Variants in CHIC1 observed in about 807,000 individuals in gnomAD.
CHIC1 encodes cysteine-rich hydrophobic domain-containing protein 1.
Under a neutral mutation model 18.5 loss-of-function variants are expected in CHIC1, and 7 were observed. The ratio of observed to expected loss-of-function variants is 0.38; its 90% CI spans 0.22 to 0.71. The LOEUF (loss-of-function observed/expected upper bound fraction) is 0.71, where lower values mean the gene tolerates loss of function less well. Among genes scored for constraint, CHIC1 ranks in the 30% least tolerant of loss-of-function variants. The pLI, the probability that CHIC1 is intolerant of heterozygous loss-of-function variation, is 0.49. For missense variants in CHIC1, 159 were observed against 176.9 expected, an observed-to-expected ratio of 0.90 and a Z score of 0.57; for synonymous variants, 77 against 73.5, an observed-to-expected ratio of 1.05 and a Z score of -0.25.
intron 3 of CHIC1, among the ~76,000 whole-genome samples, chrX:73,667,566 A>T (rs2058010183): frequency 9.0e-6 from 1 of 111,661 alleles, no homozygotes; most frequent in Non-Finnish European, 1.9e-5. Flanking sequence ...TTCCCTCAGC[A>T]TCTGCTTGTC....
intron 3 of CHIC1, among the ~76,000 whole-genome samples, chrX:73,671,291 C>T (rs2058028844): frequency 8.9e-6 from 1 of 111,844 alleles, no homozygotes; most frequent in Non-Finnish European, 1.9e-5. Context: ...AGTTGAATCT[C>T]TTTTGGAGTC....
rs749055350 is a variant in CHIC1, at chrX:73,644,481, AAGTGGAGCCTACAGAGGCAGGC to A, written c.508-34842_508-34821del. 5.4e-4 allele frequency among the ~76,000 whole-genome samples: 61 copies of A among 112,603 alleles called. 3 individuals carry two copies. The highest frequency in any genetic ancestry group is 4.5e-3 in the East Asian group (16 of 3,556). ...TTGTTTGTCTGTGCCCTGCCCCCAG[AAGTGGAGCCTACAGAGGCAGGC>A]AGGCCTCCTTGAGCTGTGGTGGGCT... On this transcript the variant is annotated intron_variant, in intron 3 of 5. Transcript: ENST00000373502.
chrX:73,655,488 TATTGTGTATATATATATACATATATAC>T lies in CHIC1; in HGVS notation c.508-23836_508-23810del, dbSNP rs1254415251. ...TATATATATATACATATATACACAA[TATTGTGTATATATATATACATATATAC>T]ACAATATTGTGTATATATATATACA... On this transcript the variant is annotated intron_variant, in intron 3 of 5. Coordinates refer to ENST00000373502, the MANE Select transcript of CHIC1 (RefSeq NM_001039840.4). 1.4e-3 allele frequency among the ~76,000 whole-genome samples: 96 copies of T among 68,883 alleles called. 3 individuals carry two copies. The highest frequency in any genetic ancestry group is 4.7e-3 in the African/African-American group (91 of 19,400). 59.8% of individuals were successfully genotyped at this position (68,883 alleles called of 115,157 possible). A position where few individuals can be genotyped will look rare whatever the true frequency, so the allele number is the denominator to read the frequency against.
intron 3 of CHIC1, among the ~76,000 whole-genome samples, chrX:73,657,049 A>C (rs1468884843): frequency 1.1e-5 from 1 of 89,956 alleles, no homozygotes; most frequent in South Asian, 5.4e-4. Context: ...GGTATTTTAT[A>C]TTCTTTTTTT....
intron 3 of CHIC1, among the ~76,000 whole-genome samples, chrX:73,599,506 T>C (rs1318006615): frequency 9.7e-6 from 1 of 102,599 alleles, no homozygotes; most frequent in African/African-American, 4.0e-5. Flanking sequence ...AATTGATTTT[T>C]GTATAAGGTG....
intron 3 of CHIC1, among the ~76,000 whole-genome samples, chrX:73,594,214 A>G: frequency 9.1e-6 from 1 of 110,145 alleles, no homozygotes. Flanking sequence ...TCAGTCACCC[A>G]CGCTGGAATA....
intron 3 of CHIC1, among the ~76,000 whole-genome samples, chrX:73,676,227 G>A (rs1201564208): frequency 2.3e-4 from 25 of 111,010 alleles, no homozygotes; most frequent in Admixed American, 2.2e-3. Context: ...TGCTCTTCTC[G>A]AGGAGTATCT....
At chrX:73,662,020 C>G (rs972709073) in intron 3 of CHIC1, among the ~76,000 whole-genome samples, 2 of 106,359 alleles carry the variant, frequency 1.9e-5, no homozygotes, top group African/African-American at 3.5e-5. Flanking sequence ...CACATGTACC[C>G]TAAAACTTAA....
chrX:73,621,070 G>A (rs969736709), intron 3 of CHIC1, among the ~76,000 whole-genome samples: 28 of 111,666 alleles, frequency 2.5e-4, no homozygotes, highest in African/African-American at 9.1e-4. Context: ...ATCTGTTTTT[G>A]TACCAGTACC....
chrX:73,660,388 G>T (rs765867473), intron 3 of CHIC1, among the ~76,000 whole-genome samples: 1 of 112,183 alleles, frequency 8.9e-6, no homozygotes, highest in African/African-American at 3.2e-5. Flanking sequence ...TGGAAAGGGG[G>T]TGTCTGCCCA....
intron 1 of CHIC1, among the ~76,000 whole-genome samples, chrX:73,567,253 C>G (rs1203693645): frequency 3.6e-5 from 4 of 110,417 alleles, no homozygotes; most frequent in African/African-American, 1.3e-4. Flanking sequence ...TGCGTGGGCT[C>G]TTATCTGGGC....
intron 3 of CHIC1, among the ~76,000 whole-genome samples, chrX:73,676,805 G>T (rs1347205977): frequency 1.8e-5 from 2 of 109,214 alleles, no homozygotes; most frequent in African/African-American, 3.5e-5. Context: ...AAGGAGAGGT[G>T]CTCTGATTTT....
chrX:73,640,562 C>A (rs961793300), intron 3 of CHIC1, among the ~76,000 whole-genome samples: 2 of 111,561 alleles, frequency 1.8e-5, no homozygotes, highest in South Asian at 7.4e-4. Context: ...GATTCAGTTT[C>A]TTCCTTCTTC....
At chrX:73,564,652 G>A (rs988557050) in intron 1 of CHIC1, among the ~76,000 whole-genome samples, 4 of 110,985 alleles carry the variant, frequency 3.6e-5, no homozygotes, top group African/African-American at 1.3e-4. Context: ...AAAATAGGTT[G>A]CCTTTTGTTG....
chrX:73,632,220 T>C (rs1234294149), intron 3 of CHIC1, among the ~76,000 whole-genome samples: 1 of 112,232 alleles, frequency 8.9e-6, no homozygotes, highest in Non-Finnish European at 1.9e-5. Context: ...TTGACCACTT[T>C]ATTATATAGT....
intron 3 of CHIC1, among the ~76,000 whole-genome samples, chrX:73,624,105 A>G (rs965961777): frequency 9.1e-6 from 1 of 109,820 alleles, no homozygotes; most frequent in Non-Finnish European, 1.9e-5. Context: ...CCCATTCCCC[A>G]TGGGAGTCTT....
chrX:73,647,128 G>A (rs553530697), intron 3 of CHIC1, among the ~76,000 whole-genome samples: 41 of 111,435 alleles, frequency 3.7e-4, no homozygotes, highest in Admixed American at 9.5e-4. Context: ...GGGAGTGAGC[G>A]TGCTACCCAG....
chrX:73,648,563 T>C (rs1310926328), intron 3 of CHIC1, among the ~76,000 whole-genome samples: 1 of 111,740 alleles, frequency 8.9e-6, no homozygotes, highest in African/African-American at 3.3e-5. Flanking sequence ...AAGAACTTGG[T>C]GAAGCATACA....
intron 2 of CHIC1, among the ~76,000 whole-genome samples, chrX:73,581,323 T>C (rs994928486): frequency 2.3e-4 from 25 of 111,027 alleles, no homozygotes; most frequent in African/African-American, 7.5e-4. Flanking sequence ...GGTGTGGTTT[T>C]CTTTTTTCAT....
Sources: gnomAD v4.1 joint callset for allele counts (sites outside exome capture counted in the v4.1 genomes callset) on GRCh38, gnomAD v4.1.1 for gene constraint, MANE v1.5 for transcripts, NCBI Gene and HGNC (gene_info 2026-07-23, HGNC 2026-07-21) for gene names.